Variants in KCNJ6 observed in about 807,000 individuals in gnomAD.
The protein encoded by KCNJ6 is G protein-activated inward rectifier potassium channel 2.
Under a neutral mutation model 34.2 loss-of-function variants are expected in KCNJ6, and 9 were observed. The ratio of observed to expected loss-of-function variants is 0.26; its 90% confidence interval spans 0.16 to 0.46. The LOEUF (loss-of-function observed/expected upper bound fraction) is 0.46, where lower values mean the gene tolerates loss of function less well. KCNJ6 is among the 20% of genes least tolerant of loss of function. KCNJ6 has a pLI of 1.00. For missense variants in KCNJ6, 236 were observed against 531.3 expected (o/e 0.44, Z 5.46); for synonymous variants, 196 against 207.1 (o/e 0.95, Z 0.46).
chr21:37,676,544 G>T (rs1489815201), intron 3 of KCNJ6, among the ~76,000 whole-genome samples: 1 of 152,218 alleles, frequency 6.6e-6, no homozygotes, highest in African/African-American at 2.4e-5. Flanking sequence ...AGCTGGCATT[G>T]GCCTGGGGGC....
chr21:37,853,846 G>GTGTGTGTATATA (rs71198897), intron 1 of KCNJ6, among the ~76,000 whole-genome samples: 1 of 115,992 alleles, frequency 8.6e-6, no homozygotes, highest in African/African-American at 4.0e-5. Context: ...ATATATATAT[G>GTGTGTGTATATA]TATATATATA....
At chr21:37,833,979 T>C (rs891960665) in intron 2 of KCNJ6, among the ~76,000 whole-genome samples, 1 of 152,206 alleles carries the variant, frequency 6.6e-6, no homozygotes, top group African/African-American at 2.4e-5. Flanking sequence ...GCCTCTCTCC[T>C]AAGCTCAAAG....
At chr21:37,850,272 C>T (rs1428087973) in intron 1 of KCNJ6, among the ~76,000 whole-genome samples, 1 of 152,054 alleles carries the variant, frequency 6.6e-6, no homozygotes, top group Non-Finnish European at 1.5e-5. Context: ...TGGTTAGTTA[C>T]TCTGACATAT....
chr21:37,784,417 G>T (rs552150842), intron 2 of KCNJ6, among the ~76,000 whole-genome samples: 1 of 152,334 alleles, frequency 6.6e-6, no homozygotes, highest in South Asian at 2.1e-4. Context: ...TAAGCTGGGT[G>T]TCACAAAGCC....
chr21:37,623,284 C>T lies in KCNJ6; in HGVS notation c.*1875G>A, dbSNP rs1258516624. 6.6e-6 allele frequency: 1 copy of T among 152,098 alleles called. No individual in the cohort carries two copies. Among genetic ancestry groups the T allele is most frequent in the Non-Finnish European group, 1.5e-5 (1 of 68,032 alleles). The allele number at this position is 152,098 out of a possible 1,614,324, so 9.4% of individuals were successfully genotyped here. ...GACTTCTTTTTTAGTAGACAAGGTC[C>T]CCAGACTACACCAAAGGCCTGTGCG... On this transcript the variant is annotated 3_prime_UTR_variant, in exon 4 of 4. Transcript: ENST00000609713.
At chr21:37,725,398 A>C (rs952449787) in intron 2 of KCNJ6, among the ~76,000 whole-genome samples, 1 of 152,214 alleles carries the variant, frequency 6.6e-6, no homozygotes, top group African/African-American at 2.4e-5. Context: ...GTCTTAAAAA[A>C]AGTAGCTAGA....
chr21:37,787,403 G>T (rs80247654), intron 2 of KCNJ6, among the ~76,000 whole-genome samples: 3,520 of 152,222 alleles, frequency 0.023, 136 homozygotes, highest in African/African-American at 0.08. Flanking sequence ...CTGGCCAGGG[G>T]TCATACTCAC....
intron 1 of KCNJ6, among the ~76,000 whole-genome samples, chr21:37,848,088 AGGCC>A (rs1479261186): frequency 6.6e-6 from 1 of 152,184 alleles, no homozygotes; most frequent in Non-Finnish European, 1.5e-5. Context: ...AGGTCCCTGG[AGGCC>A]AGACAGCTGC....
intron 3 of KCNJ6, among the ~76,000 whole-genome samples, chr21:37,688,380 T>TTA (rs1556019356): frequency 6.6e-6 from 1 of 151,294 alleles, no homozygotes; most frequent in Non-Finnish European, 1.5e-5. Context: ...ATTTTTTTTT[T>TTA]AAAAAATCTA....
chr21:37,707,802 T>G (rs1240998455), intron 3 of KCNJ6, among the ~76,000 whole-genome samples: 1 of 128,586 alleles, frequency 7.8e-6, no homozygotes, highest in Non-Finnish European at 1.7e-5. Flanking sequence ...TAAAACTGCT[T>G]TGCTGGCAAC....
chr21:37,788,125 T>C (rs749200937), intron 2 of KCNJ6, among the ~76,000 whole-genome samples: 10 of 152,250 alleles, frequency 6.6e-5, no homozygotes, highest in Non-Finnish European at 1.2e-4. Context: ...TCAGTGGTTA[T>C]TGATCACATA....
intron 2 of KCNJ6, among the ~76,000 whole-genome samples, chr21:37,807,921 C>T (rs1194264359): frequency 6.6e-6 from 1 of 152,158 alleles, no homozygotes; most frequent in Non-Finnish European, 1.5e-5. Flanking sequence ...GGGAACCAAC[C>T]AGGCATCCAG....
intron 3 of KCNJ6, among the ~76,000 whole-genome samples, chr21:37,707,076 A>G (rs2054723682): frequency 6.7e-6 from 1 of 148,426 alleles, no homozygotes; most frequent in African/African-American, 2.5e-5. Context: ...GATTCTCATT[A>G]ATTCAGATCC....
chr21:37,737,768 G>A (rs1258176859), intron 2 of KCNJ6, among the ~76,000 whole-genome samples: 1 of 152,232 alleles, frequency 6.6e-6, no homozygotes, highest in African/African-American at 2.4e-5. Flanking sequence ...TGCACAGAAG[G>A]GGGCAGATTC....
chr21:37,710,693 C>T (rs1424399588), intron 3 of KCNJ6, among the ~76,000 whole-genome samples: 1 of 152,166 alleles, frequency 6.6e-6, no homozygotes, highest in African/African-American at 2.4e-5. Context: ...GCCTCGAGGC[C>T]CATTTGCCCT....
intron 3 of KCNJ6, among the ~76,000 whole-genome samples, chr21:37,694,069 T>C (rs952209553): frequency 6.6e-6 from 1 of 152,230 alleles, no homozygotes; most frequent in Non-Finnish European, 1.5e-5. Context: ...GGTGCCTTCC[T>C]GCCAGAGGGG....
Position 37,615,205 on chromosome 21 carries a change from C to T in KCNJ6, c.*9954G>A, listed in dbSNP as rs1286882357. ...TCAGGGATTTGAATATTAATGTCCT[C>T]TTTCTGAAATCAGACCCTCGACTGA... On this transcript the variant is annotated 3_prime_UTR_variant, in exon 4 of 4. Transcript: ENST00000609713. 6.8e-6 allele frequency: 1 copy of T among 146,056 alleles called. No individual in the cohort carries two copies. Among genetic ancestry groups the T allele is most frequent in the African/African-American group, 2.6e-5 (1 of 38,886 alleles). 9.0% of individuals were successfully genotyped at this position (146,056 alleles called of 1,614,324 possible). A position where few individuals can be genotyped will look rare whatever the true frequency, so the allele number is the denominator to read the frequency against.
chr21:37,777,320 T>C (rs2055147213), intron 2 of KCNJ6, among the ~76,000 whole-genome samples: 1 of 152,184 alleles, frequency 6.6e-6, no homozygotes, highest in African/African-American at 2.4e-5. Flanking sequence ...GGGGCATTTC[T>C]GTCTCCCCTG....
At position 37,631,784 on chromosome 21, in the gene KCNJ6, C is replaced by T. The variant is rs145344415; in HGVS notation, c.947-6300G>A. Among the ~76,000 whole-genome samples the T allele has an allele frequency of 3.5e-3, 535 of 152,250 alleles. 6 individuals carry two copies. The highest frequency in any genetic ancestry group is 0.011 in the African/African-American group (444 of 41,554). Reference sequence around the variant, plus strand: ...AAAAGGTGCTGCTGTGAGTCAGAGACGGGAGTGGGAATCCCCGTTAATTGA... The same window carrying T: ...AAAAGGTGCTGCTGTGAGTCAGAGATGGGAGTGGGAATCCCCGTTAATTGA... On this transcript the variant is annotated intron_variant, in intron 3 of 3. Coordinates refer to ENST00000609713, the MANE Select transcript of KCNJ6 (RefSeq NM_002240.5).
Sources: allele counts gnomAD v4.1 joint callset (sites outside exome capture counted in the v4.1 genomes callset), GRCh38; gene constraint gnomAD v4.1.1; transcripts MANE v1.5; gene names NCBI Gene and HGNC (gene_info 2026-07-23, HGNC 2026-07-21).